Variants in ACTL6B observed in about 807,000 individuals in gnomAD.
ACTL6B encodes the protein actin like 6B, also known as actin-like protein 6B.
In ACTL6B, 48 loss-of-function variants were observed where a neutral mutation model predicts 63.3. That is an observed-to-expected ratio of 0.76 (90% CI 0.60 to 0.96). The LOEUF (loss-of-function observed/expected upper bound fraction) is 0.96, where lower values mean the gene tolerates loss of function less well. ACTL6B is among the 50% of genes least tolerant of loss of function. The pLI is 0.00. For synonymous variants in ACTL6B, 230 were observed against 223.8 expected (o/e 1.03, Z -0.25); for missense variants, 350 against 572.2 (o/e 0.61, Z 3.96).
Position 100,655,214 on chromosome 7 carries a change from GGTC to G in ACTL6B, c.269-98_269-96del. The G allele has an allele frequency of 8.0e-7, 1 of 1,247,502 alleles. No homozygotes were observed. Among genetic ancestry groups the G allele is most frequent in the South Asian group, 1.2e-5 (1 of 80,046 alleles). The allele number at this position is 1,247,502 out of a possible 1,614,324, so 77.3% of individuals were successfully genotyped here. A position where few individuals can be genotyped will look rare whatever the true frequency, so the allele number is the denominator to read the frequency against. The stretch of plus-strand genomic sequence containing the variant: ...GGGAGAAAGGCCAAGCCCAAAGGAG[GGTC>G]AGTGAGTCCAGCTCCAGGGGAACGC... On this transcript the variant is annotated intron_variant, in intron 3 of 13. Coordinates refer to ENST00000160382, the MANE Select transcript of ACTL6B (RefSeq NM_016188.5). This position sits in a 1 kb window ranked among gnomAD's most constrained non-coding sequence, Gnocchi z 4.4.
chr7:100,644,916 C>T (rs1183306298), intron 13 of ACTL6B, among the ~76,000 whole-genome samples: 2 of 151,994 alleles, frequency 1.3e-5, no homozygotes, highest in Admixed American at 6.6e-5. Context: ...ATTAGCCAGG[C>T]GTGGTGGCTC....
At chr7:100,650,337 T>C (rs148394069) in intron 4 of ACTL6B, among the ~76,000 whole-genome samples, 1,731 of 149,514 alleles carry the variant, frequency 0.012, 18 homozygotes, top group Middle Eastern at 0.041. Context: ...CACACACACA[T>C]ACACTCAAAC....
Position 100,646,980 on chromosome 7 carries a change from C to A in ACTL6B, c.927G>T (p.Ser309=). ...LRIPEGLFDP[S]NVKGLSGNTM... ...CGCCACACAGCCAAACCTTGACGTT[C>A]GAGGGATCAAACAGGCCCTCAGGGA... Residue 309 remains serine (S), a synonymous_variant, in exon 10 of 14, where the codon TCG becomes TCT. Coordinates refer to ENST00000160382, the MANE Select transcript of ACTL6B (RefSeq NM_016188.5). This position sits in a 1 kb window ranked among gnomAD's most constrained non-coding sequence, Gnocchi z 6.1. 1 of 1,613,822 alleles carries A rather than the reference C, an allele frequency of 6.2e-7. No individual in the cohort carries two copies. The highest frequency in any genetic ancestry group is 1.3e-5 in the African/African-American group (1 of 74,958).
Position 100,655,523 on chromosome 7 carries a change from C to T in ACTL6B, c.166G>A (p.Gly56Arg). The T allele has an allele frequency of 6.2e-7, 1 of 1,614,168 alleles. No homozygotes were observed. Among genetic ancestry groups the T allele is most frequent in the East Asian group, 2.2e-5 (1 of 44,882 alleles). ...ATCTTCCCTTTCTTCTCTTTGTCCC[C>T]CTCCAGCTCCAGCCCGCCCCCCTCC... Reference protein sequence around the residue: ...AEEGGGLELEGDKEKKGKIFH... With the variant: ...AEEGGGLELERDKEKKGKIFH... The change falls in exon 3 of 14, where the codon GGG (glycine) becomes AGG (arginine). Residue 56 changes from glycine to arginine, a missense_variant. Coordinates refer to ENST00000160382, the MANE Select transcript of ACTL6B (RefSeq NM_016188.5). The surrounding 1 kb of genome is among the most constrained non-coding windows in gnomAD (Gnocchi z 4.4).
Position 100,647,373 on chromosome 7 carries a change from C to T in ACTL6B, c.759+71G>A, listed in dbSNP as rs935597426. On this transcript the variant is annotated intron_variant, in intron 8 of 13. Coordinates refer to ENST00000160382, the MANE Select transcript of ACTL6B (RefSeq NM_016188.5). The surrounding 1 kb of genome is among the most constrained non-coding windows in gnomAD (Gnocchi z 4.4). ...CCCCCTCCCTGCTCCCCCTCCCATG[C>T]GGGGCCTCTGTCCCGCCCCCGATTC... The T allele has an allele frequency of 5.6e-5, 90 of 1,599,650 alleles. No homozygotes were observed. The highest frequency in any genetic ancestry group is 3.2e-4 in the African/African-American group (24 of 74,672).
chr7:100,650,693 A>G (rs1006123457), intron 4 of ACTL6B, among the ~76,000 whole-genome samples: 2 of 152,178 alleles, frequency 1.3e-5, no homozygotes, highest in Non-Finnish European at 2.9e-5. Context: ...ATTTAAAGTA[A>G]GGAGCTTGTG....
intron 4 of ACTL6B, 49 bp downstream of exon 4, chr7:100,654,970 A>C (rs1464182565): frequency 1.4e-6 from 2 of 1,477,300 alleles, no homozygotes; most frequent in Non-Finnish European, 1.9e-6. Context: ...GGTGGGAAGG[A>C]GGTGCAGTGG....
intron 5 of ACTL6B, among the ~76,000 whole-genome samples, chr7:100,649,150 G>A (rs999966022): frequency 6.6e-6 from 1 of 151,734 alleles, no homozygotes; most frequent in East Asian, 1.9e-4. Context: ...CTGCCACCAC[G>A]CCCGGCCAAT....
chr7:100,648,465 C>T lies in ACTL6B; in HGVS notation c.669+91G>A. On this transcript the variant is annotated intron_variant, in intron 7 of 13. Transcript: ENST00000160382. The surrounding 1 kb of genome is among the most constrained non-coding windows in gnomAD (Gnocchi z 4.4). ...GACCCACTGGGGAGCCTGCTGCTCTCTGCTCTGATATCTCATGTGTCAGAG... is the reference window on the plus strand; with the variant it reads ...GACCCACTGGGGAGCCTGCTGCTCTTTGCTCTGATATCTCATGTGTCAGAG... 8 of 1,160,064 alleles carry T rather than the reference C, an allele frequency of 6.9e-6. No individual in the cohort carries two copies. Among genetic ancestry groups the T allele is most frequent in the Non-Finnish European group, 9.5e-6 (8 of 838,872 alleles). The allele number at this position is 1,160,064 out of a possible 1,614,324, so 71.9% of individuals were successfully genotyped here. A position where few individuals can be genotyped will look rare whatever the true frequency, so the allele number is the denominator to read the frequency against.
chr7:100,655,262 G>T lies in ACTL6B; in HGVS notation c.269-143C>A. On this transcript the variant is annotated intron_variant, in intron 3 of 13. Coordinates refer to ENST00000160382, the MANE Select transcript of ACTL6B (RefSeq NM_016188.5). The surrounding 1 kb of genome is among the most constrained non-coding windows in gnomAD (Gnocchi z 4.4). ...GAACGCCCCCCTTCCCAGAAACCTGGTGGGCCCCTGGGAAGGGAACCCAGC... is the reference window on the plus strand; with the variant it reads ...GAACGCCCCCCTTCCCAGAAACCTGTTGGGCCCCTGGGAAGGGAACCCAGC... The T allele has an allele frequency of 8.4e-7, 1 of 1,193,536 alleles. No homozygotes were observed. The highest frequency in any genetic ancestry group is 1.2e-6 in the Non-Finnish European group (1 of 836,784). 73.9% of individuals were successfully genotyped at this position (1,193,536 alleles called of 1,614,324 possible).
chr7:100,647,411 G>T lies in ACTL6B; in HGVS notation c.759+33C>A. The stretch of plus-strand genomic sequence containing the variant: ...CCGCCCCCGATTCATGGCAGGGGAG[G>T]GGGGTTTCAGGTGGCCCTCTCCAGA... On this transcript the variant is annotated intron_variant, in intron 8 of 13. Transcript: ENST00000160382. This position sits in a 1 kb window ranked among gnomAD's most constrained non-coding sequence, Gnocchi z 4.4. The T allele has an allele frequency of 6.2e-7, 1 of 1,600,274 alleles. No homozygotes were observed. Among genetic ancestry groups the T allele is most frequent in the Non-Finnish European group, 8.6e-7 (1 of 1,168,294 alleles).
Position 100,646,338 on chromosome 7 carries a change from G to C in ACTL6B, c.1114-3C>G. 1 of 1,613,702 alleles carries C rather than the reference G, an allele frequency of 6.2e-7. No individual in the cohort carries two copies. The highest frequency in any genetic ancestry group is 8.5e-7 in the Non-Finnish European group (1 of 1,179,836). ...GCAATGAGTTTCAGTCGCATGCTCT[G>C]GGGGTAAAAAGGGGCTGGGGGAAGC... On this transcript the variant is annotated splice_region_variant and splice_polypyrimidine_tract_variant and intron_variant, in intron 12 of 13. Coordinates refer to ENST00000160382, the MANE Select transcript of ACTL6B (RefSeq NM_016188.5). This position sits in a 1 kb window ranked among gnomAD's most constrained non-coding sequence, Gnocchi z 6.1.
rs1803869226 is a variant in ACTL6B at position 100,648,506 on chromosome 7, G to C, written c.669+50C>G. 1 of 1,476,388 alleles carries C rather than the reference G, an allele frequency of 6.8e-7. No individual in the cohort carries two copies. The highest frequency in any genetic ancestry group is 9.1e-7 in the Non-Finnish European group (1 of 1,094,572). The allele number at this position is 1,476,388 out of a possible 1,614,324, so 91.5% of individuals were successfully genotyped here. On this transcript the variant is annotated intron_variant, in intron 7 of 13. Transcript: ENST00000160382. The surrounding 1 kb of genome is among the most constrained non-coding windows in gnomAD (Gnocchi z 4.4). ...TGTGTCAGAGGGTTGACGGCCATGG[G>C]GCGAGTGGCCAGGACTCTAGTGGCA...
rs1303797052 is a variant in ACTL6B at position 100,646,755 on chromosome 7, C to A, written c.1013G>T (p.Arg338Leu). The A allele has an allele frequency of 1.2e-6, 2 of 1,613,674 alleles. No homozygotes were observed. Among genetic ancestry groups the A allele is most frequent in the Non-Finnish European group, 1.7e-6 (2 of 1,179,998 alleles). Residue 338 changes from arginine (R) to leucine (L), a missense_variant, in exon 11 of 14, where the codon CGC becomes CTC. This residue lies in a region of ACTL6B where 76 missense variants were observed against 126.1 expected (regional missense o/e 0.60). Transcript: ENST00000160382. This position sits in a 1 kb window ranked among gnomAD's most constrained non-coding sequence, Gnocchi z 6.1. ...TCAGCTCCGGCCTGGCCTCACCGGG[C>A]GAATATCAATGTCACACATGCCGAT... ...TSIGMCDIDI[R>L]PGLYGSVIVT... is the part of the protein sequence containing the mutation.
In ACTL6B at chr7:100,656,362, G is replaced by A. The variant is rs966808690; in HGVS notation, c.-8C>T. ...GTAGACGCCCCCGCTCATAGTGCCC[G>A]CTGCGCTGCTAGCGGCCCGTGGGCG... is the stretch of plus-strand genomic sequence containing the variant. On this transcript the variant is annotated 5_prime_UTR_variant, in exon 1 of 14. Transcript: ENST00000160382. The A allele has an allele frequency of 3.7e-6, 5 of 1,346,138 alleles. No individual in the cohort carries two copies. Among genetic ancestry groups the A allele is most frequent in the Admixed American group, 6.5e-5 (2 of 30,814 alleles). The allele number at this position is 1,346,138 out of a possible 1,614,324, so 83.4% of individuals were successfully genotyped here.
Position 100,643,214 on chromosome 7 carries a change from G to T in ACTL6B, c.*32C>A. ...TGGGGGTTAAGGGACTTCCATCTGA[G>T]CTTGGGAGCAGGTGTGTGGGGAGGA... On this transcript the variant is annotated 3_prime_UTR_variant, in exon 14 of 14. Transcript: ENST00000160382. 4 of 1,609,562 alleles carry T rather than the reference G, an allele frequency of 2.5e-6. No homozygotes were observed. The highest frequency in any genetic ancestry group is 3.4e-6 in the Non-Finnish European group (4 of 1,176,162).
In ACTL6B at chr7:100,646,431, AG is replaced by A; in HGVS notation, c.1114-97del. On this transcript the variant is annotated intron_variant, in intron 12 of 13. Coordinates refer to ENST00000160382, the MANE Select transcript of ACTL6B (RefSeq NM_016188.5). The surrounding 1 kb of genome is among the most constrained non-coding windows in gnomAD (Gnocchi z 6.1). Reference sequence around the variant, plus strand: ...GGAAGACTTGGGAAGCCACAGGGGCAGGGGTTCTGCTCTGGTGGCCAGAACA... The same window carrying A: ...GGAAGACTTGGGAAGCCACAGGGGCAGGGTTCTGCTCTGGTGGCCAGAACA... 5 of 1,549,754 alleles carry A rather than the reference AG, an allele frequency of 3.2e-6. No homozygotes were observed. Among genetic ancestry groups the A allele is most frequent in the Non-Finnish European group, 4.4e-6 (5 of 1,126,488 alleles).
rs753298297 is a variant in ACTL6B at position 100,643,215 on chromosome 7, C to T, written c.*31G>A. ...GGGGGTTAAGGGACTTCCATCTGAG[C>T]TTGGGAGCAGGTGTGTGGGGAGGAG... On this transcript the variant is annotated 3_prime_UTR_variant, in exon 14 of 14. Coordinates refer to ENST00000160382, the MANE Select transcript of ACTL6B (RefSeq NM_016188.5). 1 of 1,610,728 alleles carries T rather than the reference C, an allele frequency of 6.2e-7. No homozygotes were observed. Among genetic ancestry groups the T allele is most frequent in the South Asian group, 1.1e-5 (1 of 90,952 alleles).
At chr7:100,645,155 C>T (rs1252570358) in intron 13 of ACTL6B, among the ~76,000 whole-genome samples, 7 of 152,172 alleles carry the variant, frequency 4.6e-5, no homozygotes, top group African/African-American at 1.7e-4. Flanking sequence ...TCTTTCTGAC[C>T]CTGGTTTCTG....
Sources: allele counts gnomAD v4.1 joint callset (sites outside exome capture counted in the v4.1 genomes callset), GRCh38; gene constraint gnomAD v4.1.1; regional missense constraint gnomAD v4.1.1; non-coding constraint Gnocchi (gnomAD v3.1); transcripts MANE v1.5; gene names NCBI Gene and HGNC (gene_info 2026-07-23, HGNC 2026-07-21).